The following PHF13 variants were observed in gnomAD, a reference collection of about 807,000 sequenced individuals.
PHF13 encodes PHD zinc finger protein PHF5.
In PHF13, 1 loss-of-function variant was observed where a neutral mutation model predicts 25.8. The observed-to-expected ratio is 0.04, with a 90% CI of 0.01 to 0.18. The LOEUF (loss-of-function observed/expected upper bound fraction) is 0.18. PHF13 is among the 10% of genes least tolerant of loss of function. The pLI is 1.00. For synonymous variants in PHF13, 195 were observed against 162.4 expected, an observed-to-expected ratio of 1.20 and a Z score of -1.53; for missense variants, 306 against 403.2, an observed-to-expected ratio of 0.76 and a Z score of 2.06.
In PHF13 at chr1:6,622,285, T is replaced by A. The variant is rs553701425; in HGVS notation, c.*648T>A. On this transcript the variant is annotated 3_prime_UTR_variant, in exon 4 of 4. Coordinates refer to ENST00000377648, the MANE Select transcript of PHF13 (RefSeq NM_153812.3). Reference sequence around the variant, plus strand: ...TGTTAAAAGGGACAATGTGGCCACTTCTCTGTGGAAAGGGAGTTGGTTGGG... The same window carrying A: ...TGTTAAAAGGGACAATGTGGCCACTACTCTGTGGAAAGGGAGTTGGTTGGG... The A allele has an allele frequency of 6.5e-4, 102 of 156,902 alleles. No individual in the cohort carries two copies. Among genetic ancestry groups the A allele is most frequent in the Admixed American group, 4.3e-3 (71 of 16,408 alleles). The allele number at this position is 156,902 out of a possible 1,614,324, so 9.7% of individuals were successfully genotyped here.
intron 1 of PHF13, among the ~76,000 whole-genome samples, chr1:6,614,856 C>G (rs889481960): frequency 2.0e-5 from 3 of 151,524 alleles, no homozygotes; most frequent in African/African-American, 7.3e-5. Flanking sequence ...CCCCTCCCCC[C>G]AGCCGAGGCT....
Position 6,614,221 on chromosome 1 carries a change from C to A in PHF13, c.39+116C>A, listed in dbSNP as rs542353085. ...GCCGCCCTCCCCTTCCCCCGCTTTC[C>A]CCTCGTCGGCCCCCCCGGGAGCCCA... is the stretch of plus-strand genomic sequence containing the variant. On this transcript the variant is annotated intron_variant, in intron 1 of 3. Coordinates refer to ENST00000377648, the MANE Select transcript of PHF13 (RefSeq NM_153812.3). 5.3e-5 allele frequency: 42 copies of A among 796,160 alleles called. No homozygotes were observed. In the South Asian group the frequency reaches 6.4e-4, roughly 12 times the overall value. 49.3% of individuals were successfully genotyped at this position (796,160 alleles called of 1,614,324 possible).
chr1:6,614,354 T>C, intron 1 of PHF13: 2 of 464,322 alleles, frequency 4.3e-6, no homozygotes, highest in Non-Finnish European at 7.6e-6. Context: ...CCCAGGGCCG[T>C]TGCGCCTATT....
rs947113584 is a variant in PHF13 at position 6,621,824 on chromosome 1, T to C, written c.*187T>C. 3 of 641,832 alleles carry C rather than the reference T, an allele frequency of 4.7e-6. No individual in the cohort carries two copies. The highest frequency in any genetic ancestry group is 3.6e-5 in the African/African-American group (2 of 54,862). The allele number at this position is 641,832 out of a possible 1,614,324, so 39.8% of individuals were successfully genotyped here. A position where few individuals can be genotyped will look rare whatever the true frequency, so the allele number is the denominator to read the frequency against. On this transcript the variant is annotated 3_prime_UTR_variant, in exon 4 of 4. Transcript: ENST00000377648. The surrounding 1 kb of genome is among the most constrained non-coding windows in gnomAD (Gnocchi z 4.8). Reference sequence around the variant, plus strand: ...CATAGCCGGTGACCGAATGCGACCTTTGCCAGCCAGAGCTGCTGCCAGAGC... The same window carrying C: ...CATAGCCGGTGACCGAATGCGACCTCTGCCAGCCAGAGCTGCTGCCAGAGC...
At chr1:6,620,408 T>C (rs1641321407) in intron 3 of PHF13, 71 bp downstream of exon 3, 1 of 1,498,650 alleles carries the variant, frequency 6.7e-7, no homozygotes. Context: ...TATTAAGTGG[T>C]CATCTCTCTG....
At position 6,620,100 on chromosome 1, in the gene PHF13, C is replaced by A; in HGVS notation, c.439C>A (p.Pro147Thr). 2 of 1,613,484 alleles carry A rather than the reference C, an allele frequency of 1.2e-6. No homozygotes were observed. The highest frequency in any genetic ancestry group is 2.2e-5 in the South Asian group (2 of 91,076). The part of the protein sequence containing the change: ...GGLLKLEAAD[P>T]YVETPTSPTL... ...CTTGCTGAAGCTGGAAGCCGCTGACCCCTACGTGGAGACCCCCACGAGTCC... is the reference window on the plus strand; with the variant it reads ...CTTGCTGAAGCTGGAAGCCGCTGACACCTACGTGGAGACCCCCACGAGTCC... The change falls in exon 3 of 4, where the codon CCC becomes ACC. Residue 147 changes from proline to threonine, a missense_variant. Pro to Thr is a conservative substitution (Grantham distance 38, BLOSUM62 -1). Transcript: ENST00000377648.
chr1:6,619,055 T>A (rs1641302392), intron 2 of PHF13, among the ~76,000 whole-genome samples: 1 of 152,252 alleles, frequency 6.6e-6, no homozygotes, highest in Non-Finnish European at 1.5e-5. Context: ...GGGGCAGTAA[T>A]TACCTACTTG....
rs1172423211 is a variant in PHF13 at position 6,623,526 on chromosome 1, C to T, written c.*1889C>T. 6.6e-6 allele frequency: 1 copy of T among 152,374 alleles called. No homozygotes were observed. The highest frequency in any genetic ancestry group is 2.4e-5 in the African/African-American group (1 of 41,332). The allele number at this position is 152,374 out of a possible 1,614,324, so 9.4% of individuals were successfully genotyped here. A position where few individuals can be genotyped will look rare whatever the true frequency, so the allele number is the denominator to read the frequency against. On this transcript the variant is annotated 3_prime_UTR_variant, in exon 4 of 4. Coordinates refer to ENST00000377648, the MANE Select transcript of PHF13 (RefSeq NM_153812.3). ...CTTTGAAAAAAAAAAATTCCACAAG[C>T]TTTTAAAGGTGCATTTAAGAATCCA...
At chr1:6,618,828 G>T (rs1246761444) in intron 2 of PHF13, among the ~76,000 whole-genome samples, 5 of 151,768 alleles carry the variant, frequency 3.3e-5, no homozygotes, top group Non-Finnish European at 7.4e-5. Flanking sequence ...TGTATTTTTG[G>T]TAGAGAGGGG....
chr1:6,616,422 T>C (rs1641261535), intron 1 of PHF13, among the ~76,000 whole-genome samples: 1 of 152,172 alleles, frequency 6.6e-6, no homozygotes, highest in African/African-American at 2.4e-5. Flanking sequence ...AAAAAAGTAG[T>C]TATTAGAGCT....
At chr1:6,615,745 A>G (rs574324883) in intron 1 of PHF13, among the ~76,000 whole-genome samples, 2 of 152,316 alleles carry the variant, frequency 1.3e-5, no homozygotes, top group African/African-American at 2.4e-5. Flanking sequence ...TCAGGAGAAA[A>G]TATCTTTTTG....
At position 6,616,688 on chromosome 1, in the gene PHF13, C is replaced by T. The variant is rs1286519096; in HGVS notation, c.40-69C>T. The stretch of plus-strand genomic sequence containing the variant: ...GACTACAAAAGTTCCAGCTTACTTC[C>T]TTTTGTTTCTGTGATTCCGCCTGGA... On this transcript the variant is annotated intron_variant, in intron 1 of 3. Transcript: ENST00000377648. The T allele has an allele frequency of 6.6e-6, 9 of 1,367,534 alleles. No individual in the cohort carries two copies. The East Asian group carries it at 9.2e-5, about 14-fold the overall frequency. The allele number at this position is 1,367,534 out of a possible 1,614,324, so 84.7% of individuals were successfully genotyped here.
intron 1 of PHF13, 70 bp from the exon 2 acceptor site, chr1:6,616,687 C>G (rs1042099933): frequency 7.5e-7 from 1 of 1,330,364 alleles, no homozygotes; most frequent in African/African-American, 1.5e-5. Context: ...CAGCTTACTT[C>G]CTTTTGTTTC....
intron 1 of PHF13, 125 bp downstream of exon 1, chr1:6,614,230 G>GC (rs1217326179): frequency 4.1e-5 from 30 of 733,218 alleles, no homozygotes; most frequent in Admixed American, 3.5e-4. Context: ...CCCCTCGTCG[G>GC]CCCCCCCGGG....
intron 1 of PHF13, among the ~76,000 whole-genome samples, chr1:6,615,772 A>G (rs1369618297): frequency 2.6e-5 from 4 of 152,096 alleles, no homozygotes; most frequent in African/African-American, 4.8e-5. Context: ...GTGTTTCTAG[A>G]TGGAATGGGG....
chr1:6,614,188 C>T, intron 1 of PHF13, 83 bp downstream of exon 1: 1 of 1,337,302 alleles, frequency 7.5e-7, no homozygotes, highest in South Asian at 1.2e-5. Context: ...CCCCCGGTCG[C>T]CCGGAGCGCC....
intron 3 of PHF13, among the ~76,000 whole-genome samples, chr1:6,620,851 C>G (rs548853726): frequency 2.6e-5 from 4 of 151,298 alleles, no homozygotes; most frequent in Non-Finnish European, 5.9e-5. Flanking sequence ...AACCCCGACT[C>G]TACTAAAGAT....
Position 6,621,483 on chromosome 1 carries a change from A to G in PHF13, c.749A>G (p.Asn250Ser), listed in dbSNP as rs142161184. ...GCCGGCCGCCCCATGATCGAGTGTA[A>G]TGAGTGCCACACCTGGATTCACCTG... ...PFAGRPMIECNECHTWIHLSC... is the reference protein window; with the variant it reads ...PFAGRPMIECSECHTWIHLSC... Residue 250 changes from asparagine to serine, a missense_variant, in exon 4 of 4, where the codon AAT becomes AGT. By Grantham distance (46) the Asn-to-Ser change is conservative (BLOSUM62 1). Transcript: ENST00000377648. The surrounding 1 kb of genome is among the most constrained non-coding windows in gnomAD (Gnocchi z 4.8). 9 of 1,613,956 alleles carry G rather than the reference A, an allele frequency of 5.6e-6. No homozygotes were observed. In the African/African-American group the frequency reaches 1.1e-4, roughly 19 times the overall value.
chr1:6,621,323 T>C lies in PHF13; in HGVS notation c.677-88T>C. The C allele has an allele frequency of 7.2e-7, 1 of 1,380,526 alleles. No homozygotes were observed. Among genetic ancestry groups the C allele is most frequent in the Non-Finnish European group, 1.0e-6 (1 of 986,456 alleles). The allele number at this position is 1,380,526 out of a possible 1,614,324, so 85.5% of individuals were successfully genotyped here. On this transcript the variant is annotated intron_variant, in intron 3 of 3. Transcript: ENST00000377648. The surrounding 1 kb of genome is among the most constrained non-coding windows in gnomAD (Gnocchi z 4.8). ...TGGCAGTTGGAAGTGTTCTCGTCAG[T>C]AGAGTTAATGGGTTTCATGGAAGCC...
Sources: allele counts gnomAD v4.1 joint callset (sites outside exome capture counted in the v4.1 genomes callset), GRCh38; gene constraint gnomAD v4.1.1; non-coding constraint Gnocchi (gnomAD v3.1); transcripts MANE v1.5; gene names NCBI Gene and HGNC (gene_info 2026-07-23, HGNC 2026-07-21).